The following SHROOM3 variants were observed in gnomAD, a reference collection of about 807,000 sequenced individuals.
SHROOM3 encodes shroom family member 3, also known as protein Shroom3.
Under a neutral mutation model 138.6 loss-of-function variants are expected in SHROOM3, and 47 were observed. The observed-to-expected ratio is 0.34, with a 90% confidence interval of 0.27 to 0.43. The LOEUF is 0.43. Among genes scored for constraint, SHROOM3 ranks in the 20% least tolerant of loss-of-function variants. SHROOM3 has a pLI of 1.00. For synonymous variants in SHROOM3, 1,062 were observed against 1,063.3 expected (o/e 1.00, Z 0.02); for missense variants, 2,491 against 2,596.5 (o/e 0.96, Z 0.88).
rs78669917 is a variant in SHROOM3, at chr4:76,587,728, A to G, written c.323+31965A>G. Among the ~76,000 whole-genome samples the G allele has an allele frequency of 1.6e-3, 237 of 152,346 alleles. 2 individuals carry two copies. Among genetic ancestry groups the G allele is most frequent in the African/African-American group, 5.3e-3 (222 of 41,586 alleles). On this transcript the variant is annotated intron_variant, in intron 2 of 10. Transcript: ENST00000296043. ...GAATAAAAGCACCAGAAATGGCATTACCCATCAGATGAAATATGATCATCA... is the reference window on the plus strand; with the variant it reads ...GAATAAAAGCACCAGAAATGGCATTGCCCATCAGATGAAATATGATCATCA...
At chr4:76,668,887 A>G (rs1382991779) in intron 2 of SHROOM3, among the ~76,000 whole-genome samples, 2 of 152,238 alleles carry the variant, frequency 1.3e-5, no homozygotes, top group Non-Finnish European at 2.9e-5. Flanking sequence ...TGGTTCTACC[A>G]CATTCTGACT....
intron 2 of SHROOM3, among the ~76,000 whole-genome samples, chr4:76,565,827 C>A (rs141754658): frequency 6.6e-6 from 1 of 151,914 alleles, no homozygotes; most frequent in Non-Finnish European, 1.5e-5. Flanking sequence ...TTAAAAGCGC[C>A]TCAAGAAAAA....
At chr4:76,460,900 G>A (rs1560512972) in intron 1 of SHROOM3, among the ~76,000 whole-genome samples, 2 of 148,622 alleles carry the variant, frequency 1.3e-5, no homozygotes, top group Non-Finnish European at 1.5e-5. Flanking sequence ...AGCTGAGGTA[G>A]GAGAATCACC....
chr4:76,523,880 G>A lies in SHROOM3; in HGVS notation c.169-31729G>A, dbSNP rs186732167. On this transcript the variant is annotated intron_variant, in intron 1 of 10. Coordinates refer to ENST00000296043, the MANE Select transcript of SHROOM3 (RefSeq NM_020859.4). ...CAAGGGGCGTGTGTGTGTGACAATGGTGGTGCCGAGGCTGGAGAGAGGCAG... is the reference window on the plus strand; with the variant it reads ...CAAGGGGCGTGTGTGTGTGACAATGATGGTGCCGAGGCTGGAGAGAGGCAG... Among the ~76,000 whole-genome samples the A allele has an allele frequency of 1.2e-4, 18 of 152,330 alleles. No homozygotes were observed. In the East Asian group the frequency reaches 2.9e-3, roughly 25 times the overall value.
chr4:76,637,251 C>G (rs1735523639), intron 2 of SHROOM3, among the ~76,000 whole-genome samples: 1 of 152,124 alleles, frequency 6.6e-6, no homozygotes, highest in South Asian at 2.1e-4. Flanking sequence ...TCTGTATGAG[C>G]CCACTGTATC....
chr4:76,755,247 A>G, intron 7 of SHROOM3, 55 bp downstream of exon 7: 2 of 1,583,712 alleles, frequency 1.3e-6, no homozygotes, highest in Non-Finnish European at 1.7e-6. Flanking sequence ...GTCATGCCCC[A>G]GGTGGCCCAG....
chr4:76,602,500 T>C lies in SHROOM3; in HGVS notation c.323+46737T>C, dbSNP rs1386735974. Among the ~76,000 whole-genome samples the C allele has an allele frequency of 3.3e-5, 5 of 152,320 alleles. No homozygotes were observed. The East Asian group carries it at 7.7e-4, about 24-fold the overall frequency. On this transcript the variant is annotated intron_variant, in intron 2 of 10. Coordinates refer to ENST00000296043, the MANE Select transcript of SHROOM3 (RefSeq NM_020859.4). ...TTGATTTTTTTTTTCGTTAGAATTC[T>C]TTTGCTTTATCTTGAAAGATTACCC...
intron 2 of SHROOM3, among the ~76,000 whole-genome samples, chr4:76,588,661 G>C (rs751623786): frequency 1.4e-4 from 22 of 152,122 alleles, no homozygotes; most frequent in Non-Finnish European, 2.9e-4. Flanking sequence ...GAGGCCTGTA[G>C]GTTCAGAAGC....
At chr4:76,601,555 A>C (rs904333612) in intron 2 of SHROOM3, among the ~76,000 whole-genome samples, 2 of 152,226 alleles carry the variant, frequency 1.3e-5, no homozygotes, top group African/African-American at 4.8e-5. Context: ...TCCAGGCTGC[A>C]GTGCAGTGGC....
rs181540666 is a variant in SHROOM3, at chr4:76,553,940, T to C, written c.169-1669T>C. Among the ~76,000 whole-genome samples the C allele has an allele frequency of 9.2e-5, 14 of 152,368 alleles. No individual in the cohort carries two copies. In the East Asian group the frequency reaches 2.3e-3, roughly 25 times the overall value. On this transcript the variant is annotated intron_variant, in intron 1 of 10. Transcript: ENST00000296043. ...TCCTGCACCAGAGTGATACATTTATTACAACTGATGAACCTACATGGACAT... is the reference window on the plus strand; with the variant it reads ...TCCTGCACCAGAGTGATACATTTATCACAACTGATGAACCTACATGGACAT...
At chr4:76,568,657 C>T (rs1733776685) in intron 2 of SHROOM3, among the ~76,000 whole-genome samples, 2 of 152,182 alleles carry the variant, frequency 1.3e-5, no homozygotes, top group South Asian at 4.1e-4. Context: ...CCCCAGGAGC[C>T]TGGCTTCAGG....
intron 1 of SHROOM3, among the ~76,000 whole-genome samples, chr4:76,455,643 G>A (rs1023586095): frequency 6.6e-6 from 1 of 151,852 alleles, no homozygotes; most frequent in Non-Finnish European, 1.5e-5. Context: ...AATAACCAAG[G>A]GTCAAAGAAT....
At chr4:76,584,530 C>T (rs1303502749) in intron 2 of SHROOM3, among the ~76,000 whole-genome samples, 1 of 152,134 alleles carries the variant, frequency 6.6e-6, no homozygotes, top group Non-Finnish European at 1.5e-5. Context: ...AATGAGTCCA[C>T]TCCTGGCTCC....
intron 1 of SHROOM3, among the ~76,000 whole-genome samples, chr4:76,487,606 A>G (rs1423428524): frequency 1.3e-5 from 2 of 150,094 alleles, no homozygotes; most frequent in African/African-American, 2.5e-5. Context: ...CCGCCTTACA[A>G]TCCCCATCCA....
At chr4:76,569,400 A>C (rs1733791303) in intron 2 of SHROOM3, among the ~76,000 whole-genome samples, 1 of 152,146 alleles carries the variant, frequency 6.6e-6, no homozygotes, top group South Asian at 2.1e-4. Flanking sequence ...CTGCTTTATG[A>C]AGGTCAAAGC....
At chr4:76,626,719 A>G (rs1221083717) in intron 2 of SHROOM3, among the ~76,000 whole-genome samples, 2 of 152,212 alleles carry the variant, frequency 1.3e-5, no homozygotes, top group African/African-American at 4.8e-5. Flanking sequence ...AGGCTCAGAG[A>G]GGTGAAACAC....
intron 1 of SHROOM3, among the ~76,000 whole-genome samples, chr4:76,455,672 T>C (rs1402348714): frequency 6.6e-6 from 1 of 152,184 alleles, no homozygotes; most frequent in Admixed American, 6.5e-5. Flanking sequence ...AAAGAGTTTA[T>C]CTTCTCTAGT....
rs1285546994 is a variant in SHROOM3 at position 76,741,117 on chromosome 4, C to A, written c.2944C>A (p.Pro982Thr). The A allele has an allele frequency of 1.3e-6, 2 of 1,551,468 alleles. No individual in the cohort carries two copies. The highest frequency in any genetic ancestry group is 1.2e-5 in the South Asian group (1 of 84,364). The change falls in exon 5 of 11, where the codon CCC (proline) becomes ACC (threonine). Residue 982 changes from proline to threonine, a missense_variant. Around this residue, in one of 4 missense-constraint regions of SHROOM3, gnomAD observed 1,733 missense variants for 1,661.6 expected, o/e 1.04. Transcript: ENST00000296043. The surrounding 1 kb of genome is among the most constrained non-coding windows in gnomAD (Gnocchi z 6.2). ...EASASASPHT[P>T]RERHSVTPAE... ...GTCGGCCTCCGCCTCCCCGCACACG[C>A]CCCGGGAGCGGCACAGCGTGACCCC...
intron 4 of SHROOM3, among the ~76,000 whole-genome samples, chr4:76,735,331 G>A (rs1464966567): frequency 1.3e-5 from 2 of 152,096 alleles, no homozygotes; most frequent in Non-Finnish European, 2.9e-5. Context: ...GTCCTAGTGA[G>A]TGATATCAGT....
Sources: gnomAD v4.1 joint callset for allele counts (sites outside exome capture counted in the v4.1 genomes callset) on GRCh38, gnomAD v4.1.1 for gene constraint, gnomAD v4.1.1 regional missense constraint, Gnocchi (gnomAD v3.1) non-coding constraint, MANE v1.5 for transcripts, NCBI Gene and HGNC (gene_info 2026-07-23, HGNC 2026-07-21) for gene names.